Variants in CCDC57 observed in about 807,000 individuals in gnomAD.
CCDC57 encodes the protein coiled-coil domain containing 57.
In CCDC57, 118 loss-of-function variants were observed where a neutral mutation model predicts 118.9. The observed-to-expected ratio is 0.99, with a 90% CI of 0.86 to 1.16. The LOEUF (loss-of-function observed/expected upper bound fraction) is 1.16, where lower values mean the gene tolerates loss of function less well. Among genes scored for constraint, CCDC57 ranks in the 50% most tolerant of loss-of-function variants. CCDC57 has a pLI of 0.00. For synonymous variants in CCDC57, 527 were observed against 532.9 expected (o/e 0.99, Z 0.15); for missense variants, 1,300 against 1,320.7 (o/e 0.98, Z 0.24).
intron 11 of CCDC57, among the ~76,000 whole-genome samples, chr17:82,173,206 G>A (rs2045000531): frequency 2.0e-5 from 3 of 152,118 alleles, no homozygotes; most frequent in Non-Finnish European, 4.4e-5. Flanking sequence ...TTCTGGAGAG[G>A]GTGGTGTGAT....
At chr17:82,211,206 G>A (rs1349652278) in intron 1 of CCDC57, among the ~76,000 whole-genome samples, 2 of 152,104 alleles carry the variant, frequency 1.3e-5, no homozygotes, top group Non-Finnish European at 2.9e-5. Flanking sequence ...GTAAGACGCT[G>A]GGAAGGGCAC....
intron 19 of CCDC57, among the ~76,000 whole-genome samples, chr17:82,120,136 GTTAACTATT>G (rs1164186270): frequency 2.0e-5 from 3 of 151,852 alleles, no homozygotes; most frequent in Non-Finnish European, 4.4e-5. Context: ...CCACTAAATT[GTTAACTATT>G]TCAGTATCAT....
chr17:82,159,305 C>T lies in CCDC57; in HGVS notation c.2041-1357G>A, dbSNP rs1175173496. Among the ~76,000 whole-genome samples, 3 of 152,172 alleles carry T rather than the reference C, an allele frequency of 2.0e-5. No homozygotes were observed. The East Asian group carries it at 5.8e-4, about 29-fold the overall frequency. On this transcript the variant is annotated intron_variant, in intron 14 of 19. Coordinates refer to ENST00000665763, the Ensembl canonical transcript of CCDC57. The stretch of plus-strand genomic sequence containing the variant: ...TGTACCACCGTGCCCAGCCTAAAAG[C>T]TGTATTTAAATGTTTATTTCTTGTC...
chr17:82,184,598 G>C (rs2146533202), intron 8 of CCDC57, among the ~76,000 whole-genome samples: 1 of 152,336 alleles, frequency 6.6e-6, no homozygotes, highest in African/African-American at 2.4e-5. Context: ...CCTAAGAGAT[G>C]GGAAGACGGC....
In CCDC57 at chr17:82,192,983, C is replaced by T. The variant is rs2146718200; in HGVS notation, c.851+773G>A. ...GAATTCCTGACCTCAAGTGATCCAC[C>T]CACCTCGGCCTCCCAACATTCTGGG... On this transcript the variant is annotated intron_variant, in intron 7 of 19. Coordinates refer to ENST00000665763, the Ensembl canonical transcript of CCDC57. The surrounding 1 kb of genome is among the most constrained non-coding windows in gnomAD (Gnocchi z 4.0). 6.6e-6 allele frequency among the ~76,000 whole-genome samples: 1 copy of T among 152,230 alleles called. No homozygotes were observed. The highest frequency in any genetic ancestry group is 1.5e-5 in the Non-Finnish European group (1 of 68,014).
At chr17:82,162,643 A>G (rs1478229503) in intron 14 of CCDC57, among the ~76,000 whole-genome samples, 1 of 44,388 alleles carries the variant, frequency 2.3e-5, no homozygotes, top group Non-Finnish European at 4.3e-5. Context: ...GGCAGGTGGC[A>G]TCGGGCAGCC....
At position 82,126,526 on chromosome 17, in the gene CCDC57, G is replaced by A. The variant is rs1022525716; in HGVS notation, c.2899+1166C>T. 5 of 982,370 alleles carry A rather than the reference G, an allele frequency of 5.1e-6. No individual in the cohort carries two copies. In the African/African-American group the frequency reaches 8.7e-5, roughly 17 times the overall value. The allele number at this position is 982,370 out of a possible 1,614,324, so 60.9% of individuals were successfully genotyped here. ...GCAGGTAACTGAAGAACAGGGAAAG[G>A]AAGTGGCTCCTAAACACACACGAAG... On this transcript the variant is annotated intron_variant, in intron 19 of 19. Coordinates refer to ENST00000665763, the Ensembl canonical transcript of CCDC57.
intron 16 of CCDC57, among the ~76,000 whole-genome samples, chr17:82,142,361 G>T (rs990970536): frequency 2.0e-5 from 3 of 151,490 alleles, no homozygotes; most frequent in Non-Finnish European, 4.4e-5. Flanking sequence ...CGCCCAGGCT[G>T]GAGTGCAGTG....
intron 15 of CCDC57, chr17:82,157,509 C>G: frequency 7.0e-7 from 1 of 1,423,440 alleles, no homozygotes; most frequent in South Asian, 1.5e-5. Context: ...CGTCCCGCCC[C>G]CCACCAACGG....
At chr17:82,135,975 A>C (rs910476458) in intron 16 of CCDC57, among the ~76,000 whole-genome samples, 29 of 152,212 alleles carry the variant, frequency 1.9e-4, no homozygotes, top group African/African-American at 3.1e-4. Flanking sequence ...ATTAAAAAAA[A>C]CCCCGACAGA....
intron 16 of CCDC57, among the ~76,000 whole-genome samples, chr17:82,148,660 A>C (rs2041323923): frequency 1.6e-5 from 1 of 61,630 alleles, no homozygotes. Context: ...GAATAGATGA[A>C]TGAGTGGGTG....
At chr17:82,188,516 G>C (rs1288608944) in intron 7 of CCDC57, 97 bp from the exon 7 acceptor site, 8 of 1,244,422 alleles carry the variant, frequency 6.4e-6, no homozygotes, top group Non-Finnish European at 7.7e-6. Flanking sequence ...CTCGTGCACA[G>C]GTGCTGCTGT....
At chr17:82,204,610 C>T (rs1031579161) in intron 2 of CCDC57, among the ~76,000 whole-genome samples, 2 of 152,122 alleles carry the variant, frequency 1.3e-5, no homozygotes, top group African/African-American at 2.4e-5. Context: ...GGTGAAACCC[C>T]GTCTCTACTA....
intron 15 of CCDC57, chr17:82,155,499 G>C (rs2042573105): frequency 1.3e-5 from 2 of 152,324 alleles, no homozygotes; most frequent in African/African-American, 4.8e-5. Flanking sequence ...CTCCATGCTA[G>C]AGCCCGGGCT....
rs369588690 is a variant in CCDC57 at position 82,171,734 on chromosome 17, G to A, written c.1849C>T (p.Gln617Ter). The A allele has an allele frequency of 1.2e-6, 2 of 1,613,502 alleles. No individual in the cohort carries two copies. Among genetic ancestry groups the A allele is most frequent in the Non-Finnish European group, 1.7e-6 (2 of 1,179,466 alleles). ...TCTGTCGAGGTGCGGACGCTGGGCT[G>A]AGACTCAGCATGAGGTGAGGACATC... The change falls in exon 13 of 20, where the codon CAG becomes TAG. Residue 617 changes from glutamine to a stop codon, truncating the protein, a stop_gained. Coordinates refer to ENST00000665763, the Ensembl canonical transcript of CCDC57. LOFTEE classifies it high-confidence loss of function.
chr17:82,151,239 A>ACCCAGAACCTGACCCACT (rs2042005084), intron 16 of CCDC57, among the ~76,000 whole-genome samples: 1 of 144,816 alleles, frequency 6.9e-6, no homozygotes, highest in Non-Finnish European at 1.5e-5. Context: ...CCTGGCACAC[A>ACCCAGAACCTGACCCACT]CCCAGAACCT....
At chr17:82,122,313 G>A (rs1480605916) in intron 19 of CCDC57, among the ~76,000 whole-genome samples, 1 of 151,770 alleles carries the variant, frequency 6.6e-6, no homozygotes, top group East Asian at 1.9e-4. Context: ...GTGCACTCCC[G>A]CACGGTGGAG....
At position 82,118,399 on chromosome 17, in the gene CCDC57, T is replaced by C. The variant is rs1459733766; in HGVS notation, c.2899+9293A>G. Among the ~76,000 whole-genome samples the C allele has an allele frequency of 6.6e-6, 1 of 152,188 alleles. No individual in the cohort carries two copies. Among genetic ancestry groups the C allele is most frequent in the East Asian group, 1.9e-4 (1 of 5,194 alleles). ...GACTGAAACCTGATGTGTTATTCAT[T>C]AGCGCAGGATGCCCCACGCATCCGG... On this transcript the variant is annotated intron_variant, in intron 19 of 19. Coordinates refer to ENST00000665763, the Ensembl canonical transcript of CCDC57. This position sits in a 1 kb window ranked among gnomAD's most constrained non-coding sequence, Gnocchi z 4.7.
intron 16 of CCDC57, among the ~76,000 whole-genome samples, chr17:82,145,007 TTC>T (rs2040507723): frequency 6.9e-6 from 1 of 144,664 alleles, no homozygotes; most frequent in Non-Finnish European, 1.5e-5. Context: ...TCAATTTTAT[TTC>T]TTTTCTTTTT....
Sources: allele counts gnomAD v4.1 joint callset (sites outside exome capture counted in the v4.1 genomes callset), GRCh38; gene constraint gnomAD v4.1.1; non-coding constraint Gnocchi (gnomAD v3.1); transcripts MANE v1.5; gene names NCBI Gene and HGNC (gene_info 2026-07-23, HGNC 2026-07-21).